The following MINDY3 variants were observed in gnomAD, a reference collection of about 807,000 sequenced individuals.
MINDY3 encodes ubiquitin carboxyl-terminal hydrolase MINDY-3.
Under a neutral mutation model 69.2 loss-of-function variants are expected in MINDY3, and 38 were observed. The observed-to-expected ratio is 0.55, with a 90% CI of 0.42 to 0.72. The LOEUF (loss-of-function observed/expected upper bound fraction) is 0.72. Ranked by LOEUF, MINDY3 falls within the 30% of genes least tolerant of loss-of-function variation. The pLI is 0.00. For synonymous variants in MINDY3, 192 were observed against 180.1 expected (o/e 1.07, Z -0.53); for missense variants, 522 against 519.0 (o/e 1.01, Z -0.06).
At chr10:15,829,871 G>A (rs1398081890) in intron 8 of MINDY3, among the ~76,000 whole-genome samples, 1 of 152,162 alleles carries the variant, frequency 6.6e-6, no homozygotes, top group Non-Finnish European at 1.5e-5. Context: ...GAAAACCGAG[G>A]CTCAGATAAT....
intron 6 of MINDY3, among the ~76,000 whole-genome samples, chr10:15,834,958 C>T (rs911565047): frequency 2.8e-5 from 4 of 144,822 alleles, no homozygotes; most frequent in Non-Finnish European, 5.9e-5. Flanking sequence ...GAATATGAGC[C>T]TGTTAAGGCA....
intron 2 of MINDY3, among the ~76,000 whole-genome samples, chr10:15,844,140 A>G (rs192408530): frequency 1.3e-3 from 204 of 152,322 alleles, no homozygotes; most frequent in African/African-American, 4.7e-3. Context: ...AGCGAAGATT[A>G]TATGAGAAAA....
chr10:15,839,964 C>G (rs1833347829), intron 4 of MINDY3, among the ~76,000 whole-genome samples: 1 of 151,568 alleles, frequency 6.6e-6, no homozygotes, highest in African/African-American at 2.4e-5. Flanking sequence ...GCCCTTTAAC[C>G]TATAGCAACG....
Position 15,837,248 on chromosome 10 carries a change from T to C in MINDY3, c.532A>G (p.Lys178Glu). 1 of 1,608,428 alleles carries C rather than the reference T, an allele frequency of 6.2e-7. No individual in the cohort carries two copies. The highest frequency in any genetic ancestry group is 1.7e-4 in the Middle Eastern group (1 of 6,020). The stretch of plus-strand genomic sequence containing the variant: ...TACAGAAAAAGCAATACTCCAAATT[T>C]ATTTCCCCACATTGAATACTGGTCC... ...VLDQYSMWGN[K>E]FGVLLFLYSV... Residue 178 changes from lysine to glutamate, a missense_variant, in exon 6 of 15, where the codon AAA (lysine) becomes GAA (glutamate). Coordinates refer to ENST00000277632, the MANE Select transcript of MINDY3 (RefSeq NM_024948.4).
chr10:15,827,542 C>CAATAAATA lies in MINDY3; in HGVS notation c.731-5824_731-5817dup, dbSNP rs142839462. Among the ~76,000 whole-genome samples the CAATAAATA allele has an allele frequency of 5.2e-4, 77 of 148,736 alleles. No individual in the cohort carries two copies. In the East Asian group the frequency reaches 9.0e-3, roughly 17 times the overall value. On this transcript the variant is annotated intron_variant, in intron 8 of 14. Coordinates refer to ENST00000277632, the MANE Select transcript of MINDY3 (RefSeq NM_024948.4). ...TGGGTGACAGAGTGAGACTCCGTCT[C>CAATAAATA]AATAAATAAATAAATAAATAAATAA...
intron 14 of MINDY3, among the ~76,000 whole-genome samples, chr10:15,781,222 A>G (rs1836503160): frequency 6.6e-6 from 1 of 151,968 alleles, no homozygotes; most frequent in African/African-American, 2.4e-5. Flanking sequence ...ATTTTGTTAT[A>G]AAGATAGCAG....
intron 4 of MINDY3, among the ~76,000 whole-genome samples, chr10:15,840,169 T>C (rs549338487): frequency 1.3e-5 from 2 of 151,822 alleles, no homozygotes; most frequent in Admixed American, 1.3e-4. Flanking sequence ...TTTAATATCC[T>C]AAATGAACCT....
At chr10:15,793,632 A>AG (rs1837586184) in intron 11 of MINDY3, among the ~76,000 whole-genome samples, 1 of 152,126 alleles carries the variant, frequency 6.6e-6, no homozygotes, top group East Asian at 1.9e-4. Context: ...AGTAGAGAGA[A>AG]GGGGAAAGAT....
At chr10:15,852,246 T>C (rs951674709) in intron 1 of MINDY3, among the ~76,000 whole-genome samples, 15 of 152,168 alleles carry the variant, frequency 9.9e-5, no homozygotes, top group Non-Finnish European at 1.6e-4. Flanking sequence ...CAACATACTG[T>C]GGCTATTGCT....
chr10:15,794,736 C>A (rs182287447), intron 11 of MINDY3, among the ~76,000 whole-genome samples: 1 of 152,126 alleles, frequency 6.6e-6, no homozygotes, highest in African/African-American at 2.4e-5. Context: ...ATAAATAGTA[C>A]AAGCCTGCTA....
At chr10:15,854,545 GAGA>G (rs1392195721) in intron 1 of MINDY3, among the ~76,000 whole-genome samples, 2 of 152,064 alleles carry the variant, frequency 1.3e-5, no homozygotes, top group Admixed American at 6.6e-5. Flanking sequence ...ACTGGCCTAG[GAGA>G]AGAAGTAAAT....
At chr10:15,818,970 G>GA (rs151144626) in intron 9 of MINDY3, among the ~76,000 whole-genome samples, 2,415 of 152,236 alleles carry the variant, frequency 0.016, 50 homozygotes, top group African/African-American at 0.052. Flanking sequence ...TTAAAATGGT[G>GA]AATCTCCTGG....
At chr10:15,818,873 T>C (rs1839557127) in intron 9 of MINDY3, among the ~76,000 whole-genome samples, 1 of 152,146 alleles carries the variant, frequency 6.6e-6, no homozygotes, top group African/African-American at 2.4e-5. Flanking sequence ...GAGCTCCTTT[T>C]GTGGGTAAGG....
intron 10 of MINDY3, among the ~76,000 whole-genome samples, chr10:15,803,218 GTTCTT>G (rs1838391744): frequency 1.3e-5 from 2 of 152,104 alleles, no homozygotes; most frequent in South Asian, 4.1e-4. Flanking sequence ...TCATGTTGCA[GTTCTT>G]TTAACTCTGT....
chr10:15,789,414 A>G (rs1837246071), intron 11 of MINDY3, 95 bp from the exon 12 acceptor site: 5 of 886,516 alleles, frequency 5.6e-6, no homozygotes, highest in Non-Finnish European at 7.2e-6. Flanking sequence ...AAAATCGCAT[A>G]AAAAATACAA....
chr10:15,858,069 C>A (rs1233785707), intron 1 of MINDY3: 1 of 258,224 alleles, frequency 3.9e-6, no homozygotes, highest in African/African-American at 2.3e-5. Flanking sequence ...CAATATTTAG[C>A]AATGGCCTCA....
intron 10 of MINDY3, among the ~76,000 whole-genome samples, chr10:15,814,533 TTAG>T (rs1415448022): frequency 6.6e-6 from 1 of 151,120 alleles, no homozygotes; most frequent in Non-Finnish European, 1.5e-5. Context: ...ACAGTAACAA[TTAG>T]TATAAAATTC....
intron 5 of MINDY3, 75 bp downstream of exon 5, chr10:15,838,153 T>C (rs1833214584): frequency 1.4e-6 from 2 of 1,439,398 alleles, no homozygotes; most frequent in African/African-American, 1.5e-5. Context: ...CTAAGAACCT[T>C]TCCACAGTAT....
At chr10:15,782,443 T>C (rs1433700952) in intron 13 of MINDY3, 14 of 485,250 alleles carry the variant, frequency 2.9e-5, no homozygotes, top group Non-Finnish European at 5.0e-5. Flanking sequence ...GTAGGGAAGG[T>C]TGATTTCCAT....
Sources: allele counts gnomAD v4.1 joint callset (sites outside exome capture counted in the v4.1 genomes callset), GRCh38; gene constraint gnomAD v4.1.1; transcripts MANE v1.5; gene names NCBI Gene and HGNC (gene_info 2026-07-23, HGNC 2026-07-21).